Variants in C8A observed in about 807,000 individuals in gnomAD.
C8A encodes complement C8 alpha chain.
Under a neutral mutation model 65.3 loss-of-function variants are expected in C8A, and 67 were observed. The observed-to-expected ratio is 1.03, with a 90% CI of 0.84 to 1.26. The LOEUF (loss-of-function observed/expected upper bound fraction) is 1.26. Ranked by LOEUF, C8A falls within the 50% of genes most tolerant of loss-of-function variation. C8A has a pLI of 0.00. For missense variants in C8A, 781 were observed against 723.9 expected, an observed-to-expected ratio of 1.08 and a Z score of -0.90; for synonymous variants, 290 against 259.4, an observed-to-expected ratio of 1.12 and a Z score of -1.13.
rs765750603 is a variant in C8A, at chr1:56,885,996, A to C, written c.925A>C (p.Met309Leu). The C allele has an allele frequency of 6.2e-7, 1 of 1,613,970 alleles. No individual in the cohort carries two copies. Among genetic ancestry groups the C allele is most frequent in the African/African-American group, 1.3e-5 (1 of 74,954 alleles). ...TTTTAAGATGAGGAAGGATGACATT[A>C]TGCTGGATGAAGGAATGCTGCAGTC... is the stretch of plus-strand genomic sequence containing the variant. The part of the protein sequence containing the change: ...AHFKMRKDDI[M>L]LDEGMLQSLM... Residue 309 changes from methionine (M) to leucine (L), a missense_variant, in exon 7 of 11, where the codon ATG (methionine) becomes CTG (leucine). Coordinates refer to ENST00000361249, the MANE Select transcript of C8A (RefSeq NM_000562.3).
chr1:56,893,777 C>T (rs1644367084), intron 7 of C8A, among the ~76,000 whole-genome samples: 1 of 152,164 alleles, frequency 6.6e-6, no homozygotes, highest in Non-Finnish European at 1.5e-5. Flanking sequence ...TTTGTACCCA[C>T]ATTCCAATAA....
chr1:56,906,710 G>A lies in C8A; in HGVS notation c.1140G>A (p.Leu380=), dbSNP rs1644468107. The A allele has an allele frequency of 6.2e-7, 1 of 1,613,850 alleles. No homozygotes were observed. Among genetic ancestry groups the A allele is most frequent in the African/African-American group, 1.3e-5 (1 of 74,892 alleles). ...RDITTCFGGS[L]GIQYEDKINV... The stretch of plus-strand genomic sequence containing the variant: ...TCACGACATGTTTTGGAGGCTCCTT[G>A]GGCATTCAATATGAAGACAAAATAA... The change falls in exon 8 of 11, where the codon TTG becomes TTA. Residue 380 remains leucine (L), a synonymous_variant. Coordinates refer to ENST00000361249, the MANE Select transcript of C8A (RefSeq NM_000562.3).
At position 56,901,526 on chromosome 1, in the gene C8A, G is replaced by A. The variant is rs148833612; in HGVS notation, c.1097-5141G>A. Reference sequence around the variant, plus strand: ...TGGTGGCCAGACTCATATCCTTTGGGCTCCTAGCCTGTCAAGTAGCCACAG... The same window carrying A: ...TGGTGGCCAGACTCATATCCTTTGGACTCCTAGCCTGTCAAGTAGCCACAG... On this transcript the variant is annotated intron_variant, in intron 7 of 10. Coordinates refer to ENST00000361249, the MANE Select transcript of C8A (RefSeq NM_000562.3). Among the ~76,000 whole-genome samples, 687 of 152,148 alleles carry A rather than the reference G, an allele frequency of 4.5e-3. 3 individuals carry two copies. The highest frequency in any genetic ancestry group is 0.01 in the Middle Eastern group (3 of 294).
intron 9 of C8A, among the ~76,000 whole-genome samples, chr1:56,908,782 G>A (rs1644485720): frequency 1.3e-5 from 2 of 152,180 alleles, no homozygotes; most frequent in Admixed American, 1.3e-4. Flanking sequence ...AGGTCATATA[G>A]CTCAGAGGTG....
intron 6 of C8A, among the ~76,000 whole-genome samples, chr1:56,883,897 C>G (rs989805154): frequency 6.7e-6 from 1 of 148,240 alleles, no homozygotes; most frequent in African/African-American, 2.5e-5. Context: ...AAGACTAGGA[C>G]TCTTATCACT....
At chr1:56,855,131 G>A (rs1643960732) in intron 1 of C8A, among the ~76,000 whole-genome samples, 153 bp downstream of exon 1, 3 of 152,206 alleles carry the variant, frequency 2.0e-5, no homozygotes, top group African/African-American at 7.2e-5. Flanking sequence ...ATGGGACAGT[G>A]AAAAGACCGT....
At chr1:56,864,740 A>T (rs545447631) in intron 1 of C8A, among the ~76,000 whole-genome samples, 1 of 152,246 alleles carries the variant, frequency 6.6e-6, no homozygotes, top group East Asian at 1.9e-4. Context: ...GTTTTCTTTG[A>T]AGGGATGGGA....
intron 2 of C8A, among the ~76,000 whole-genome samples, chr1:56,869,298 C>A (rs1644120575): frequency 6.6e-6 from 1 of 152,202 alleles, no homozygotes; most frequent in Non-Finnish European, 1.5e-5. Context: ...AGTTACTTCA[C>A]TTACAATAAT....
chr1:56,859,119 G>A (rs888548689), intron 1 of C8A, among the ~76,000 whole-genome samples: 3 of 152,170 alleles, frequency 2.0e-5, no homozygotes, highest in African/African-American at 7.2e-5. Flanking sequence ...AGGCTTTGGA[G>A]TCTTTGTTGG....
At chr1:56,910,804 AGT>A (rs1236199240) in intron 9 of C8A, among the ~76,000 whole-genome samples, 1 of 152,206 alleles carries the variant, frequency 6.6e-6, no homozygotes, top group African/African-American at 2.4e-5. Flanking sequence ...AGCTATTGCC[AGT>A]GCCCTCAGTT....
intron 10 of C8A, among the ~76,000 whole-genome samples, chr1:56,914,946 G>A (rs1644539530): frequency 6.6e-6 from 1 of 152,086 alleles, no homozygotes; most frequent in African/African-American, 2.4e-5. Context: ...CCAAGGTCCT[G>A]GGATTACAGG....
chr1:56,916,125 C>T (rs1644549220), intron 10 of C8A, among the ~76,000 whole-genome samples: 1 of 152,208 alleles, frequency 6.6e-6, no homozygotes, highest in Non-Finnish European at 1.5e-5. Context: ...CAGGCTGAGA[C>T]ACCTGCACAC....
intron 3 of C8A, 57 bp from the exon 4 acceptor site, chr1:56,876,005 G>A (rs994584150): frequency 1.3e-6 from 2 of 1,592,844 alleles, no homozygotes; most frequent in Non-Finnish European, 8.6e-7. Flanking sequence ...CTGATTGTGG[G>A]TGTGAGTCTG....
chr1:56,888,137 A>AC (rs1166856565), intron 7 of C8A, among the ~76,000 whole-genome samples: 7 of 152,178 alleles, frequency 4.6e-5, no homozygotes, highest in Non-Finnish European at 8.8e-5. Context: ...ATATAAAAAA[A>AC]ATTTCCAAAT....
chr1:56,906,280 A>C (rs1270339025), intron 7 of C8A, among the ~76,000 whole-genome samples: 1 of 152,166 alleles, frequency 6.6e-6, no homozygotes, highest in Non-Finnish European at 1.5e-5. Flanking sequence ...GAGGAGGGGC[A>C]TTTAGAGTAG....
At chr1:56,867,486 C>A in intron 1 of C8A, 123 bp from the exon 2 acceptor site, 1 of 732,066 alleles carries the variant, frequency 1.4e-6, no homozygotes. Context: ...AGTAGGAGTA[C>A]AATAAATGTT....
intron 7 of C8A, among the ~76,000 whole-genome samples, chr1:56,890,356 T>C (rs1644335068): frequency 6.6e-6 from 1 of 152,162 alleles, no homozygotes; most frequent in Non-Finnish European, 1.5e-5. Context: ...CATTCAACCA[T>C]GTCCACATGA....
chr1:56,891,964 G>A (rs1346152484), intron 7 of C8A, among the ~76,000 whole-genome samples: 1 of 152,110 alleles, frequency 6.6e-6, no homozygotes, highest in East Asian at 1.9e-4. Context: ...TGTCCTTGGG[G>A]TATTTTTTGT....
At chr1:56,909,986 C>T (rs771749220) in intron 9 of C8A, among the ~76,000 whole-genome samples, 9 of 152,140 alleles carry the variant, frequency 5.9e-5, no homozygotes, top group African/African-American at 4.8e-5. Context: ...CATTAAGCCA[C>T]GGGCAGGCTT....
Sources: gnomAD v4.1 joint callset for allele counts (sites outside exome capture counted in the v4.1 genomes callset) on GRCh38, gnomAD v4.1.1 for gene constraint, MANE v1.5 for transcripts, NCBI Gene and HGNC (gene_info 2026-07-23, HGNC 2026-07-21) for gene names.